The following MAPK10 variants were observed in gnomAD, a reference collection of about 807,000 sequenced individuals.
MAPK10 encodes JNK3 alpha protein kinase.
MAPK10 carries 25 observed loss-of-function variants against 59.3 expected under a neutral mutation model. The ratio of observed to expected loss-of-function variants is 0.42; its 90% confidence interval spans 0.31 to 0.59. The LOEUF is 0.59. Ranked by LOEUF, MAPK10 falls within the 20% of genes least tolerant of loss-of-function variation. The pLI is 0.15. For synonymous variants in MAPK10, 190 were observed against 200.5 expected (o/e 0.95, Z 0.44); for missense variants, 351 against 568.9 (o/e 0.62, Z 3.90).
intron 2 of MAPK10, among the ~76,000 whole-genome samples, chr4:86,313,110 G>C (rs571439871): frequency 7.9e-5 from 12 of 151,956 alleles, no homozygotes; most frequent in Non-Finnish European, 8.8e-5. Context: ...TAGATAGATA[G>C]ATATACTTTT....
intron 2 of MAPK10, among the ~76,000 whole-genome samples, chr4:86,228,320 T>C (rs2090995168): frequency 6.6e-6 from 1 of 152,162 alleles, no homozygotes; most frequent in African/African-American, 2.4e-5. Context: ...AGGAATTAGC[T>C]AGCTCTGGGA....
chr4:86,556,729 G>C (rs1337172358), intron 1 of MAPK10, among the ~76,000 whole-genome samples: 1 of 152,096 alleles, frequency 6.6e-6, no homozygotes, highest in Non-Finnish European at 1.5e-5. Context: ...TATTCGTGGA[G>C]CCCTTTCGAG....
At chr4:86,520,721 CCTT>C (rs1757051609) in intron 1 of MAPK10, among the ~76,000 whole-genome samples, 1 of 152,040 alleles carries the variant, frequency 6.6e-6, no homozygotes, top group South Asian at 2.1e-4. Context: ...CTTTTTGGCT[CCTT>C]CTTATTTGGA....
chr4:86,506,887 T>G (rs1468171967), intron 1 of MAPK10, among the ~76,000 whole-genome samples: 1 of 152,094 alleles, frequency 6.6e-6, no homozygotes, highest in Non-Finnish European at 1.5e-5. Flanking sequence ...GCAGCTGTGC[T>G]AAGTGGTAAG....
intron 2 of MAPK10, among the ~76,000 whole-genome samples, chr4:86,323,284 G>C (rs1346284331): frequency 6.6e-6 from 1 of 152,172 alleles, no homozygotes; most frequent in Non-Finnish European, 1.5e-5. Flanking sequence ...CAGTCCATTT[G>C]AAGCAAGATC....
upstream of MAPK10, among the ~76,000 whole-genome samples, chr4:86,456,720 C>T (rs544657590): frequency 6.6e-6 from 1 of 152,162 alleles, no homozygotes; most frequent in African/African-American, 2.4e-5. Flanking sequence ...CAGAATTCTA[C>T]CAGACATTCA....
intron 2 of MAPK10, among the ~76,000 whole-genome samples, chr4:86,314,184 G>A (rs74961870): frequency 0.027 from 4,062 of 152,234 alleles, 171 homozygotes; most frequent in African/African-American, 0.091. Context: ...GGAAGGTATT[G>A]ACTGCAAGGA....
chr4:86,564,928 C>A (rs961552437), intron 1 of MAPK10, among the ~76,000 whole-genome samples: 3 of 152,162 alleles, frequency 2.0e-5, no homozygotes, highest in Non-Finnish European at 4.4e-5. Context: ...GGGCCTCCCA[C>A]ACTGGAAACT....
At chr4:86,123,259 T>C (rs1298921202) in intron 4 of MAPK10, among the ~76,000 whole-genome samples, 1 of 152,128 alleles carries the variant, frequency 6.6e-6, no homozygotes, top group East Asian at 1.9e-4. Flanking sequence ...TATTACCTTA[T>C]TGTGTATATA....
Position 86,075,502 on chromosome 4 carries a change from G to GT in MAPK10, c.803-7548dup, listed in dbSNP as rs1044299635. ...TTAGAGTTTCCAGTTTTTCTGTTCT[G>GT]TTTTTTCCCCATCTTTGTGGTTTTA... On this transcript the variant is annotated intron_variant, in intron 9 of 13. Transcript: ENST00000641462. Among the ~76,000 whole-genome samples the GT allele has an allele frequency of 5.3e-5, 8 of 152,226 alleles. No individual in the cohort carries two copies. The South Asian group carries it at 1.7e-3, about 32-fold the overall frequency.
At chr4:86,209,327 T>G (rs142457242) in intron 2 of MAPK10, among the ~76,000 whole-genome samples, 104 of 152,156 alleles carry the variant, frequency 6.8e-4, no homozygotes, top group Non-Finnish European at 1.0e-3. Flanking sequence ...TTTAAAACAC[T>G]GCTAATGAAT....
At position 86,550,374 on chromosome 4, in the gene MAPK10, T is replaced by TAAAAAAAAAAAAAAAAA. The variant is rs753508493; in HGVS notation, c.-263+43519_-263+43535dup. ...CAGAAGGGCTAAGCAGAGCTTCAGT[T>TAAAAAAAAAAAAAAAAA]AAAAAAAAAAAAAAAAAAAAAAAAA... On this transcript the variant is annotated intron_variant, in intron 1 of 4. Transcript: ENST00000502302. Among the ~76,000 whole-genome samples, 3 of 77,392 alleles carry TAAAAAAAAAAAAAAAAA rather than the reference T, an allele frequency of 3.9e-5. 1 individual carries two copies. Among genetic ancestry groups the TAAAAAAAAAAAAAAAAA allele is most frequent in the Non-Finnish European group, 6.9e-5 (3 of 43,324 alleles). 50.8% of individuals were successfully genotyped at this position (77,392 alleles called of 152,430 possible).
chr4:86,173,618 A>C (rs1261165987), intron 3 of MAPK10, among the ~76,000 whole-genome samples: 2 of 152,224 alleles, frequency 1.3e-5, no homozygotes, highest in East Asian at 3.8e-4. Flanking sequence ...ACAAAAGCAA[A>C]AATTGACAAG....
chr4:86,495,520 C>A (rs1341416179), intron 1 of MAPK10, among the ~76,000 whole-genome samples: 3 of 152,246 alleles, frequency 2.0e-5, no homozygotes, highest in Non-Finnish European at 1.5e-5. Context: ...ACTGAAATAT[C>A]ATTATCACAT....
intron 2 of MAPK10, among the ~76,000 whole-genome samples, chr4:86,249,231 T>C (rs2093287626): frequency 6.6e-6 from 1 of 152,120 alleles, no homozygotes; most frequent in Admixed American, 6.5e-5. Flanking sequence ...CTAAAATAAA[T>C]AGGAGCTTAT....
At chr4:86,027,272 A>G (rs1020406357) in intron 13 of MAPK10, 1 of 152,230 alleles carries the variant, frequency 6.6e-6, no homozygotes, top group African/African-American at 2.4e-5. Flanking sequence ...TATGTATTAC[A>G]TAGATAATTT....
In MAPK10 at chr4:86,566,519, G is replaced by T. The variant is rs189092867; in HGVS notation, c.-263+27391C>A. 9.9e-5 allele frequency among the ~76,000 whole-genome samples: 15 copies of T among 151,810 alleles called. No homozygotes were observed. The East Asian group carries it at 2.2e-3, about 22-fold the overall frequency. On this transcript the variant is annotated intron_variant, in intron 1 of 4. Coordinates refer to the MAPK10 transcript ENST00000502302. Reference sequence around the variant, plus strand: ...ACCTGAGGTCAGGAATTCTAGACCAGCCTGGCCAACATGGTGAAACCCTGT... The same window carrying T: ...ACCTGAGGTCAGGAATTCTAGACCATCCTGGCCAACATGGTGAAACCCTGT...
chr4:86,502,451 G>T (rs2149079879), intron 1 of MAPK10, among the ~76,000 whole-genome samples: 1 of 151,978 alleles, frequency 6.6e-6, no homozygotes, highest in South Asian at 2.1e-4. Flanking sequence ...ACTTTGCATT[G>T]ACTTAATAAT....
chr4:86,027,789 C>T (rs2043649), intron 13 of MAPK10: 10 of 151,904 alleles, frequency 6.6e-5, no homozygotes, highest in East Asian at 1.9e-4. Flanking sequence ...ACAATCAATA[C>T]GGGATAATAA....
Sources: gnomAD v4.1 joint callset for allele counts (sites outside exome capture counted in the v4.1 genomes callset) on GRCh38, gnomAD v4.1.1 for gene constraint, MANE v1.5 for transcripts, NCBI Gene and HGNC (gene_info 2026-07-23, HGNC 2026-07-21) for gene names.